The following SPOCD1 variants were observed in gnomAD, a reference collection of about 807,000 sequenced individuals.
SPOCD1 encodes the protein SPOC domain containing 1.
Under a neutral mutation model 92.2 loss-of-function variants are expected in SPOCD1, and 64 were observed. That is an observed-to-expected ratio of 0.69 (90% CI 0.57 to 0.86). SPOCD1 has a LOEUF of 0.86. Among genes scored for constraint, SPOCD1 ranks in the 40% least tolerant of loss-of-function variants. The pLI, the probability that SPOCD1 is intolerant of heterozygous loss-of-function variation, is 0.00. For missense variants in SPOCD1, 1,360 were observed against 1,543.1 expected (o/e 0.88, Z 1.99); for synonymous variants, 578 against 619.3 (o/e 0.93, Z 0.99).
intron 2 of SPOCD1, among the ~76,000 whole-genome samples, chr1:31,803,726 G>C (rs1187366655): frequency 6.7e-6 from 1 of 150,216 alleles, no homozygotes; most frequent in Non-Finnish European, 1.5e-5. Flanking sequence ...GGGTGACACA[G>C]CAAGACACTG....
chr1:31,794,153 A>T lies in SPOCD1; in HGVS notation c.2354T>A (p.Phe785Tyr). The part of the protein sequence containing the change: ...EDTTGQHDHH[F>Y]LDPNCHICKD... ...GCAGATGTGGCAGTTGGGGTCTAAGAAGTGGTGGTCATGCTGCCCCGTGGT... is the reference window on the plus strand; with the variant it reads ...GCAGATGTGGCAGTTGGGGTCTAAGTAGTGGTGGTCATGCTGCCCCGTGGT... The change falls in exon 11 of 16, where the codon TTC becomes TAC. Residue 785 changes from phenylalanine (F) to tyrosine (Y), a missense_variant. This residue lies in a region of SPOCD1 where 614 missense variants were observed against 757.8 expected (regional missense o/e 0.81). Coordinates refer to ENST00000360482, the MANE Select transcript of SPOCD1 (RefSeq NM_144569.7). 6.2e-7 allele frequency: 1 copy of T among 1,613,610 alleles called. No homozygotes were observed. Among genetic ancestry groups the T allele is most frequent in the Non-Finnish European group, 8.5e-7 (1 of 1,179,822 alleles).
At chr1:31,791,930 A>G (rs571722650) in intron 15 of SPOCD1, among the ~76,000 whole-genome samples, 1 of 152,322 alleles carries the variant, frequency 6.6e-6, no homozygotes, top group East Asian at 1.9e-4. Context: ...TTCCTCCCTC[A>G]GATTCTTCTT....
rs755483687 is a variant in SPOCD1 at position 31,793,324 on chromosome 1, C to T, written c.2639G>A (p.Arg880Gln). ...VLDMFSIKRF[R>Q]ARAQLVSGHS... is the part of the protein sequence containing the mutation. Reference sequence around the variant, plus strand: ...TCCCGAGACCAGCTGGGCCCTGGCCCGGAACCGCTTGATGGAGAACATGTC... The same window carrying T: ...TCCCGAGACCAGCTGGGCCCTGGCCTGGAACCGCTTGATGGAGAACATGTC... The change falls in exon 13 of 16, where the codon CGG becomes CAG. Residue 880 changes from arginine (R) to glutamine (Q), a missense_variant. Arg to Gln is a conservative substitution (Grantham distance 43). Transcript: ENST00000360482. 100 of 1,591,412 alleles carry T rather than the reference C, an allele frequency of 6.3e-5. No individual in the cohort carries two copies. The highest frequency in any genetic ancestry group is 7.9e-5 in the Non-Finnish European group (92 of 1,168,944).
At position 31,791,469 on chromosome 1, in the gene SPOCD1, G is replaced by A. The variant is rs1570142685; in HGVS notation, c.2963-178C>T. Reference sequence around the variant, plus strand: ...CAAGGCTTATCTGGCTGAGGCTGGGGTATGGATTGTTTGACCTGAAGACTC... The same window carrying A: ...CAAGGCTTATCTGGCTGAGGCTGGGATATGGATTGTTTGACCTGAAGACTC... On this transcript the variant is annotated intron_variant, in intron 15 of 15. Coordinates refer to ENST00000360482, the MANE Select transcript of SPOCD1 (RefSeq NM_144569.7). The A allele has an allele frequency of 1.0e-5, 5 of 493,268 alleles. No homozygotes were observed. The East Asian group carries it at 1.7e-4, about 17-fold the overall frequency. The allele number at this position is 493,268 out of a possible 1,614,324, so 30.6% of individuals were successfully genotyped here.
At chr1:31,803,519 G>A (rs1648598459) in intron 2 of SPOCD1, among the ~76,000 whole-genome samples, 1 of 151,586 alleles carries the variant, frequency 6.6e-6, no homozygotes, top group African/African-American at 2.4e-5. Context: ...GATCGCTTGA[G>A]GCCAGAAGTT....
intron 10 of SPOCD1, chr1:31,796,219 T>C (rs1570158108): frequency 2.8e-6 from 1 of 361,388 alleles, no homozygotes; most frequent in East Asian, 7.1e-5. Flanking sequence ...ACAGTGGGTC[T>C]TCGTTCCTTC....
intron 12 of SPOCD1, 83 bp from the exon 13 acceptor site, chr1:31,793,511 C>G: frequency 2.0e-6 from 3 of 1,531,548 alleles, no homozygotes; most frequent in Non-Finnish European, 2.7e-6. Flanking sequence ...CAGAGCAGAT[C>G]CTGTGTCCCT....
At position 31,814,907 on chromosome 1, in the gene SPOCD1, G is replaced by A. The variant is rs1463785422; in HGVS notation, c.427C>T (p.Pro143Ser). Reference sequence around the variant, plus strand: ...TCCCTGCAGGCCAGAGCTCTCTCTGGGAGGCCAGCAGACCTGCTACAAAGT... The same window carrying A: ...TCCCTGCAGGCCAGAGCTCTCTCTGAGAGGCCAGCAGACCTGCTACAAAGT... ...RKLCSRSAGL[P>S]ERALACRERL... Residue 143 changes from proline to serine, a missense_variant, in exon 2 of 16, where the codon CCA becomes TCA. Around this residue, in one of 3 missense-constraint regions of SPOCD1, gnomAD observed 140 missense variants for 183.8 expected, o/e 0.76. Coordinates refer to ENST00000360482, the MANE Select transcript of SPOCD1 (RefSeq NM_144569.7). The surrounding 1 kb of genome is among the most constrained non-coding windows in gnomAD (Gnocchi z 4.2). 6.2e-7 allele frequency: 1 copy of A among 1,613,682 alleles called. No individual in the cohort carries two copies. Among genetic ancestry groups the A allele is most frequent in the African/African-American group, 1.3e-5 (1 of 74,908 alleles).
chr1:31,810,668 A>G (rs945688839), intron 2 of SPOCD1, among the ~76,000 whole-genome samples: 1 of 152,136 alleles, frequency 6.6e-6, no homozygotes, highest in Non-Finnish European at 1.5e-5. Flanking sequence ...TTTAATGGTT[A>G]ATGTAAGGAT....
In SPOCD1 at chr1:31,799,879, G is replaced by A. The variant is rs1165879730; in HGVS notation, c.1729-16C>T. ...TTGGGCCACTCTGTAGGGGAGGCGTGAGGAATTGAGGCTGTGCTGGTGGGC... is the reference window on the plus strand; with the variant it reads ...TTGGGCCACTCTGTAGGGGAGGCGTAAGGAATTGAGGCTGTGCTGGTGGGC... On this transcript the variant is annotated splice_polypyrimidine_tract_variant and intron_variant, in intron 5 of 15. Transcript: ENST00000360482. 1.9e-6 allele frequency: 3 copies of A among 1,614,154 alleles called. No homozygotes were observed. Among genetic ancestry groups the A allele is most frequent in the Non-Finnish European group, 2.5e-6 (3 of 1,180,008 alleles).
chr1:31,814,627 T>C lies in SPOCD1; in HGVS notation c.707A>G (p.Asn236Ser). 8 of 1,532,968 alleles carry C rather than the reference T, an allele frequency of 5.2e-6. No homozygotes were observed. Among genetic ancestry groups the C allele is most frequent in the South Asian group, 1.3e-5 (1 of 76,914 alleles). 95.0% of individuals were successfully genotyped at this position (1,532,968 alleles called of 1,614,324 possible). Reference protein sequence around the residue: ...LWLDQSPRGDNLLSVGDPPQV... With the variant: ...LWLDQSPRGDSLLSVGDPPQV... ...GGGAGGGTCTCCCACAGACAGGAGGTTGTCCCCACGAGGGCTCTGATCAAG... is the reference window on the plus strand; with the variant it reads ...GGGAGGGTCTCCCACAGACAGGAGGCTGTCCCCACGAGGGCTCTGATCAAG... Residue 236 changes from asparagine (N) to serine (S), a missense_variant, in exon 2 of 16, where the codon AAC (asparagine) becomes AGC (serine). Physicochemically the swap from Asn to Ser is conservative, Grantham distance 46. Coordinates refer to ENST00000360482, the MANE Select transcript of SPOCD1 (RefSeq NM_144569.7). The surrounding 1 kb of genome is among the most constrained non-coding windows in gnomAD (Gnocchi z 4.2).
At chr1:31,792,832 C>G in intron 13 of SPOCD1, 65 bp from the exon 14 acceptor site, 1 of 1,290,934 alleles carries the variant, frequency 7.7e-7, no homozygotes, top group Non-Finnish European at 1.1e-6. Context: ...GGACGCATTC[C>G]CAGCCACCTG....
Position 31,796,159 on chromosome 1 carries a change from G to A in SPOCD1, c.2271+431C>T, listed in dbSNP as rs977499050. On this transcript the variant is annotated intron_variant, in intron 10 of 15. Coordinates refer to ENST00000360482, the MANE Select transcript of SPOCD1 (RefSeq NM_144569.7). ...GGAGGCCCTCTGGATGGACTGCCAG[G>A]GTGCCGGGTGGTTCCCTGCCTGGAG... 7.2e-6 allele frequency: 2 copies of A among 277,824 alleles called. 1 individual carries two copies. The highest frequency in any genetic ancestry group is 9.7e-5 in the Admixed American group (2 of 20,710). The allele number at this position is 277,824 out of a possible 1,614,324, so 17.2% of individuals were successfully genotyped here. A position where few individuals can be genotyped will look rare whatever the true frequency, so the allele number is the denominator to read the frequency against.
intron 3 of SPOCD1, among the ~76,000 whole-genome samples, chr1:31,801,370 AGT>A (rs1648453960): frequency 6.6e-6 from 1 of 152,202 alleles, no homozygotes. Context: ...GCCCATTTTA[AGT>A]GTGTTTCAAT....
intron 3 of SPOCD1, among the ~76,000 whole-genome samples, chr1:31,801,190 T>C (rs910647329): frequency 6.6e-6 from 1 of 152,224 alleles, no homozygotes; most frequent in Admixed American, 6.5e-5. Flanking sequence ...TTTGTTCTTC[T>C]AATGAACTAC....
At position 31,814,079 on chromosome 1, in the gene SPOCD1, A is replaced by G. The variant is rs1403505391; in HGVS notation, c.1255T>C (p.Ser419Pro). The G allele has an allele frequency of 6.2e-7, 1 of 1,613,604 alleles. No homozygotes were observed. The highest frequency in any genetic ancestry group is 2.2e-5 in the East Asian group (1 of 44,870). The change falls in exon 2 of 16, where the codon TCC becomes CCC. Residue 419 changes from serine to proline, a missense_variant. Coordinates refer to ENST00000360482, the MANE Select transcript of SPOCD1 (RefSeq NM_144569.7). The surrounding 1 kb of genome is among the most constrained non-coding windows in gnomAD (Gnocchi z 4.2). ...TTCTTCAGGTTCTTAGTGCCCTTGG[A>G]TCTTCTCTGCTCCATGAATGGGCCT... is the stretch of plus-strand genomic sequence containing the variant. ...CSGPFMEQRR[S>P]KGTKNLKKGP...
intron 6 of SPOCD1, 42 bp downstream of exon 6, chr1:31,799,767 C>G (rs1038996414): frequency 1.9e-6 from 3 of 1,607,072 alleles, no homozygotes; most frequent in Non-Finnish European, 2.6e-6. Context: ...CAGACCCCAG[C>G]AGTCTCTGGA....
Position 31,801,861 on chromosome 1 carries a change from T to C in SPOCD1, c.1384-156A>G, listed in dbSNP as rs543272012. On this transcript the variant is annotated intron_variant, in intron 2 of 15. Transcript: ENST00000360482. ...AAAAAGTTGTCCATCAAAGGGGAAA[T>C]GGTTAATAAAAAATATGTCCATCAG... is the stretch of plus-strand genomic sequence containing the variant. 1.7e-4 allele frequency among the ~76,000 whole-genome samples: 26 copies of C among 152,102 alleles called. No homozygotes were observed. The South Asian group carries it at 5.0e-3, about 29-fold the overall frequency.
In SPOCD1 at chr1:31,798,843, T is replaced by C. The variant is rs1648221221; in HGVS notation, c.1869-242A>G. 1.7e-6 allele frequency: 1 copy of C among 577,608 alleles called. No individual in the cohort carries two copies. The highest frequency in any genetic ancestry group is 3.1e-6 in the Non-Finnish European group (1 of 326,686). The allele number at this position is 577,608 out of a possible 1,614,324, so 35.8% of individuals were successfully genotyped here. A position where few individuals can be genotyped will look rare whatever the true frequency, so the allele number is the denominator to read the frequency against. On this transcript the variant is annotated intron_variant, in intron 7 of 15. Coordinates refer to ENST00000360482, the MANE Select transcript of SPOCD1 (RefSeq NM_144569.7). The surrounding 1 kb of genome is among the most constrained non-coding windows in gnomAD (Gnocchi z 4.1). Reference sequence around the variant, plus strand: ...AATAAGAGGCTTACTCACAACTGTGTAATTAGTGGCAAAAGCAAGATTTGA... The same window carrying C: ...AATAAGAGGCTTACTCACAACTGTGCAATTAGTGGCAAAAGCAAGATTTGA...
Sources: gnomAD v4.1 joint callset for allele counts (sites outside exome capture counted in the v4.1 genomes callset) on GRCh38, gnomAD v4.1.1 for gene constraint, gnomAD v4.1.1 regional missense constraint, Gnocchi (gnomAD v3.1) non-coding constraint, MANE v1.5 for transcripts, NCBI Gene and HGNC (gene_info 2026-07-23, HGNC 2026-07-21) for gene names.